GALNT18: variants seen among roughly 807,000 people sequenced by gnomAD.
The protein encoded by GALNT18 is GalNAc-transferase 18.
In GALNT18, 44 loss-of-function variants were observed where a neutral mutation model predicts 69.5. The observed-to-expected ratio is 0.63, with a 90% CI of 0.50 to 0.81. The LOEUF (loss-of-function observed/expected upper bound fraction) is 0.81, where lower values mean the gene tolerates loss of function less well. Ranked by LOEUF, GALNT18 falls within the 40% of genes least tolerant of loss-of-function variation. The probability of loss-of-function intolerance (pLI) is 0.00; values close to 1 mark genes in which losing one functional copy is unlikely to be tolerated. For missense variants in GALNT18, 715 were observed against 810.0 expected, an observed-to-expected ratio of 0.88 and a Z score of 1.42; for synonymous variants, 364 against 318.2, an observed-to-expected ratio of 1.14 and a Z score of -1.53.
rs772260457 is a variant in GALNT18, at chr11:11,616,804, A to G, written c.235+4555T>C. Among the ~76,000 whole-genome samples, 3 of 152,234 alleles carry G rather than the reference A, an allele frequency of 2.0e-5. No homozygotes were observed. Among genetic ancestry groups the G allele is most frequent in the Non-Finnish European group, 4.4e-5 (3 of 68,038 alleles). On this transcript the variant is annotated intron_variant, in intron 1 of 10. Coordinates refer to ENST00000227756, the MANE Select transcript of GALNT18 (RefSeq NM_198516.3). The surrounding 1 kb of genome is among the most constrained non-coding windows in gnomAD (Gnocchi z 4.4). Reference sequence around the variant, plus strand: ...TATTTGTACTTGTCACTGTAACGGCATAACCTAATCACGTATTATATAAAC... The same window carrying G: ...TATTTGTACTTGTCACTGTAACGGCGTAACCTAATCACGTATTATATAAAC...
rs1288471893 is a variant in GALNT18 at position 11,497,509 on chromosome 11, T to C, written c.236-48573A>G. Among the ~76,000 whole-genome samples the C allele has an allele frequency of 6.6e-6, 1 of 152,070 alleles. No homozygotes were observed. The highest frequency in any genetic ancestry group is 6.5e-5 in the Admixed American group (1 of 15,270). ...ACAGTGTTAGGCACAAAATAGCTGATTAATAAATTTGTGCTGAATGAAAGA... is the reference window on the plus strand; with the variant it reads ...ACAGTGTTAGGCACAAAATAGCTGACTAATAAATTTGTGCTGAATGAAAGA... On this transcript the variant is annotated intron_variant, in intron 1 of 10. Transcript: ENST00000227756. The surrounding 1 kb of genome is among the most constrained non-coding windows in gnomAD (Gnocchi z 4.2).
chr11:11,285,629 C>T (rs1366108588), intron 10 of GALNT18, among the ~76,000 whole-genome samples: 2 of 152,172 alleles, frequency 1.3e-5, no homozygotes, highest in African/African-American at 4.8e-5. Context: ...TACACTTGTC[C>T]CTTCATATGA....
chr11:11,433,107 T>A (rs1855312478), intron 2 of GALNT18, among the ~76,000 whole-genome samples: 1 of 152,232 alleles, frequency 6.6e-6, no homozygotes, highest in Non-Finnish European at 1.5e-5. Flanking sequence ...TGATTCAATG[T>A]TTCTAAATCC....
chr11:11,344,132 C>T (rs1207578221), intron 6 of GALNT18, among the ~76,000 whole-genome samples: 1 of 152,218 alleles, frequency 6.6e-6, no homozygotes, highest in Non-Finnish European at 1.5e-5. Flanking sequence ...ATGCCCCTGG[C>T]ACAGCCCCTG....
chr11:11,312,229 G>C (rs182395093), intron 9 of GALNT18, among the ~76,000 whole-genome samples: 1 of 152,146 alleles, frequency 6.6e-6, no homozygotes. Context: ...GATTACAGTC[G>C]TGAGCCACCA....
At chr11:11,403,692 C>G (rs1362040376) in intron 3 of GALNT18, among the ~76,000 whole-genome samples, 4 of 152,204 alleles carry the variant, frequency 2.6e-5, no homozygotes, top group Non-Finnish European at 5.9e-5. Context: ...CAGTGCCCAC[C>G]ACCTGGGGAG....
rs1860072578 is a variant in GALNT18 at position 11,617,086 on chromosome 11, T to C, written c.235+4273A>G. On this transcript the variant is annotated intron_variant, in intron 1 of 10. Coordinates refer to ENST00000227756, the MANE Select transcript of GALNT18 (RefSeq NM_198516.3). This position sits in a 1 kb window ranked among gnomAD's most constrained non-coding sequence, Gnocchi z 4.7. ...AACTATGGGATATTATGGGAGTGGTTTGTGCAAGGAAGATGAACAGGACGC... is the reference window on the plus strand; with the variant it reads ...AACTATGGGATATTATGGGAGTGGTCTGTGCAAGGAAGATGAACAGGACGC... Among the ~76,000 whole-genome samples, 1 of 152,086 alleles carries C rather than the reference T, an allele frequency of 6.6e-6. No individual in the cohort carries two copies. Among genetic ancestry groups the C allele is most frequent in the African/African-American group, 2.4e-5 (1 of 41,352 alleles).
In GALNT18 at chr11:11,396,089, C is replaced by G. The variant is rs944334499; in HGVS notation, c.596-16825G>C. Among the ~76,000 whole-genome samples the G allele has an allele frequency of 6.6e-6, 1 of 152,172 alleles. No homozygotes were observed. The highest frequency in any genetic ancestry group is 1.9e-4 in the East Asian group (1 of 5,188). ...AACCACTTCCCTCTGTTGCTGATCC[C>G]CATGGGGCTGAACAGTCCCAAAGAG... On this transcript the variant is annotated intron_variant, in intron 3 of 10. Transcript: ENST00000227756. The surrounding 1 kb of genome is among the most constrained non-coding windows in gnomAD (Gnocchi z 5.2).
intron 3 of GALNT18, among the ~76,000 whole-genome samples, chr11:11,424,367 C>T (rs190982910): frequency 3.9e-5 from 6 of 152,234 alleles, no homozygotes; most frequent in Middle Eastern, 3.4e-3. Flanking sequence ...CCAGGGCCAG[C>T]GGGCCTGGAT....
chr11:11,445,796 CA>C (rs1855636466), intron 2 of GALNT18, among the ~76,000 whole-genome samples: 1 of 152,142 alleles, frequency 6.6e-6, no homozygotes. Context: ...TGCTTGGTGC[CA>C]CGGGGGAGGT....
intron 1 of GALNT18, among the ~76,000 whole-genome samples, chr11:11,557,641 C>T (rs750437963): frequency 6.6e-6 from 1 of 152,214 alleles, no homozygotes; most frequent in Non-Finnish European, 1.5e-5. Flanking sequence ...ACACGCTGAG[C>T]ACTCGGTAAC....
At chr11:11,533,626 C>T (rs1243970768) in intron 1 of GALNT18, among the ~76,000 whole-genome samples, 1 of 152,254 alleles carries the variant, frequency 6.6e-6, no homozygotes, top group South Asian at 2.1e-4. Flanking sequence ...TTTACCTCCT[C>T]TCCACAACAG....
Position 11,598,177 on chromosome 11 carries a change from A to G in GALNT18, c.235+23182T>C, listed in dbSNP as rs1859546586. On this transcript the variant is annotated intron_variant, in intron 1 of 10. Coordinates refer to ENST00000227756, the MANE Select transcript of GALNT18 (RefSeq NM_198516.3). This position sits in a 1 kb window ranked among gnomAD's most constrained non-coding sequence, Gnocchi z 4.8. The stretch of plus-strand genomic sequence containing the variant: ...CTTAAGGTTGCAGTAATCTATAACA[A>G]ATTACTATAATCTATAATAAATTAC... 1.3e-5 allele frequency among the ~76,000 whole-genome samples: 2 copies of G among 152,024 alleles called. No individual in the cohort carries two copies.
At chr11:11,293,287 G>C (rs1005067086) in intron 9 of GALNT18, 94 bp from the exon 10 acceptor site, 2 of 1,085,926 alleles carry the variant, frequency 1.8e-6, no homozygotes, top group Non-Finnish European at 2.4e-6. Context: ...CTGGCAGAGA[G>C]GCCACAGTTA....
intron 10 of GALNT18, among the ~76,000 whole-genome samples, chr11:11,284,284 A>G (rs568725609): frequency 6.6e-6 from 1 of 152,230 alleles, no homozygotes; most frequent in Non-Finnish European, 1.5e-5. Context: ...CGTGTGGTAC[A>G]GACTGACTGG....
intron 1 of GALNT18, among the ~76,000 whole-genome samples, chr11:11,566,216 T>C (rs1271571185): frequency 6.6e-6 from 1 of 152,250 alleles, no homozygotes; most frequent in Admixed American, 6.5e-5. Context: ...TAAAATATTT[T>C]AGACTTTGAG....
intron 1 of GALNT18, among the ~76,000 whole-genome samples, chr11:11,537,054 T>C (rs528675007): frequency 6.6e-6 from 1 of 152,298 alleles, no homozygotes; most frequent in Non-Finnish European, 1.5e-5. Context: ...AAAATGAATA[T>C]ACTGCTCACT....
At chr11:11,490,758 T>C (rs6484951) in intron 1 of GALNT18, among the ~76,000 whole-genome samples, 113,312 of 152,168 alleles carry the variant, frequency 0.74, 42,922 homozygotes, top group East Asian at 0.88. Flanking sequence ...CTGGCAGATG[T>C]AACCAAGAAG....
intron 9 of GALNT18, among the ~76,000 whole-genome samples, chr11:11,323,759 C>G (rs1475428523): frequency 6.6e-6 from 1 of 152,224 alleles, no homozygotes; most frequent in Non-Finnish European, 1.5e-5. Context: ...TCTCTGTCCC[C>G]TTTAGTTCAA....
Sources: gnomAD v4.1 joint callset for allele counts (sites outside exome capture counted in the v4.1 genomes callset) on GRCh38, gnomAD v4.1.1 for gene constraint, Gnocchi (gnomAD v3.1) non-coding constraint, MANE v1.5 for transcripts, NCBI Gene and HGNC (gene_info 2026-07-23, HGNC 2026-07-21) for gene names.